The following CIMAP1D variants were observed in gnomAD, a reference collection of about 807,000 sequenced individuals.
CIMAP1D encodes CIMAP1 family member D.
the CIMAP1D span, among the ~76,000 whole-genome samples, chr19:468,904 G>A: frequency 3.9e-4 from 50 of 128,278 alleles, no homozygotes; most frequent in African/African-American, 1.1e-3. Context: ...TGAGGAGTCC[G>A]TGGCACGCAG....
At chr19:479,694 T>C in the CIMAP1D span, among the ~76,000 whole-genome samples, 4 of 150,576 alleles carry the variant, frequency 2.7e-5, no homozygotes, top group Non-Finnish European at 2.9e-5. Flanking sequence ...TGAGCCACCG[T>C]GCCCGGCTAA....
chr19:466,455 G>GGGTGGGTA, the CIMAP1D span, among the ~76,000 whole-genome samples: 1 of 150,082 alleles, frequency 6.7e-6, no homozygotes, highest in Non-Finnish European at 1.5e-5. Flanking sequence ...CTGGATGGGT[G>GGGTGGGTA]GGTGGGTGGA....
the CIMAP1D span, among the ~76,000 whole-genome samples, chr19:477,615 G>A: frequency 2.6e-5 from 4 of 151,878 alleles, no homozygotes; most frequent in African/African-American, 7.3e-5. Context: ...AAAAAAGAAC[G>A]CCTCCTCCCC....
At chr19:464,309 C>T in the CIMAP1D span, 4 of 1,541,382 alleles carry the variant, frequency 2.6e-6, no homozygotes, top group Non-Finnish European at 2.6e-6. Flanking sequence ...TCCGATGGCG[C>T]ACAGGGGGCA....
At chr19:475,105 A>C in the CIMAP1D span, 1 of 213,022 alleles carries the variant, frequency 4.7e-6, no homozygotes, top group South Asian at 1.9e-4. Context: ...ACCTGCAAAC[A>C]TGACACCCAC....
the CIMAP1D span, chr19:474,704 G>T: frequency 6.4e-7 from 1 of 1,560,212 alleles, no homozygotes; most frequent in Admixed American, 1.9e-5. Flanking sequence ...GCCAAGGGGG[G>T]CTGTGGCCAG....
the CIMAP1D span, among the ~76,000 whole-genome samples, chr19:482,089 C>A: frequency 6.6e-6 from 1 of 152,058 alleles, no homozygotes; most frequent in Admixed American, 6.6e-5. Flanking sequence ...TTTAAATTTT[C>A]TAGTAGTTGT....
At chr19:472,495 C>T in the CIMAP1D span, 1 of 1,541,774 alleles carries the variant, frequency 6.5e-7, no homozygotes, top group South Asian at 1.2e-5. Context: ...CAAGCCTGGC[C>T]CCGAGCCTGC....
At chr19:489,286 C>T in the CIMAP1D span, 1 of 152,588 alleles carries the variant, frequency 6.6e-6, no homozygotes, top group Non-Finnish European at 1.5e-5. Context: ...GACCGGGACC[C>T]CCTACCCTTG....
At chr19:479,949 T>C in the CIMAP1D span, among the ~76,000 whole-genome samples, 1 of 152,258 alleles carries the variant, frequency 6.6e-6, no homozygotes, top group Non-Finnish European at 1.5e-5. Context: ...TTGTTATCAT[T>C]TTCTACGTTT....
the CIMAP1D span, among the ~76,000 whole-genome samples, chr19:474,045 C>G: frequency 6.6e-6 from 1 of 151,150 alleles, no homozygotes; most frequent in Non-Finnish European, 1.5e-5. Flanking sequence ...CCTGAGCCTC[C>G]CAGAGATACA....
the CIMAP1D span, among the ~76,000 whole-genome samples, chr19:482,311 G>A: frequency 2.0e-5 from 3 of 152,182 alleles, no homozygotes; most frequent in African/African-American, 7.2e-5. Context: ...CCTGTGACCT[G>A]TGGACGCTGT....
chr19:487,300 T>G, the CIMAP1D span, among the ~76,000 whole-genome samples: 1 of 152,144 alleles, frequency 6.6e-6, no homozygotes, highest in African/African-American at 2.4e-5. Flanking sequence ...AGTGAGGGCC[T>G]TTTCCCTTGG....
the CIMAP1D span, among the ~76,000 whole-genome samples, chr19:468,722 C>T: frequency 1.2e-4 from 19 of 152,348 alleles, no homozygotes; most frequent in African/African-American, 4.3e-4. Context: ...CCGGTGTTCA[C>T]GGCCCCACAG....
chr19:479,584 T>C, the CIMAP1D span, among the ~76,000 whole-genome samples: 1 of 151,682 alleles, frequency 6.6e-6, no homozygotes, highest in Non-Finnish European at 1.5e-5. Flanking sequence ...TTTGTATTTT[T>C]AGTAGAGACG....
At chr19:491,593 C>A in the CIMAP1D span, among the ~76,000 whole-genome samples, 3 of 151,894 alleles carry the variant, frequency 2.0e-5, no homozygotes, top group African/African-American at 4.8e-5. Flanking sequence ...CTGACCAGGG[C>A]CCCAGGCCTC....
chr19:489,279 C>G, the CIMAP1D span: 2 of 152,296 alleles, frequency 1.3e-5, no homozygotes, highest in East Asian at 3.9e-4. Context: ...CGGCCCCGAC[C>G]GGGACCCCCT....
At chr19:474,880 G>A in the CIMAP1D span, 1 of 735,408 alleles carries the variant, frequency 1.4e-6, no homozygotes, top group Non-Finnish European at 2.0e-6. Flanking sequence ...CACGACCACA[G>A]CCGCACAGAC....
the CIMAP1D span, among the ~76,000 whole-genome samples, chr19:480,610 GATGATGGGAAGGA>G: frequency 6.8e-6 from 1 of 146,880 alleles, no homozygotes; most frequent in Admixed American, 6.7e-5. Flanking sequence ...GATGGGGAAG[GATGATGGGAAGGA>G]TGATGGGGAA....
Sources: gnomAD v4.1 joint callset for allele counts (sites outside exome capture counted in the v4.1 genomes callset) on GRCh38, gnomAD v4.1.1 for gene constraint, MANE v1.5 for transcripts, NCBI Gene and HGNC (gene_info 2026-07-23, HGNC 2026-07-21) for gene names.